Variants in KLF12 observed in about 807,000 individuals in gnomAD.
KLF12 encodes Krueppel-like factor 12.
Under a neutral mutation model 37.8 loss-of-function variants are expected in KLF12, and 9 were observed. The ratio of observed to expected loss-of-function variants is 0.24; its 90% CI spans 0.14 to 0.42. The LOEUF (loss-of-function observed/expected upper bound fraction) is 0.42, where lower values mean the gene tolerates loss of function less well. Among genes scored for constraint, KLF12 ranks in the 10% least tolerant of loss-of-function variants. The probability of loss-of-function intolerance (pLI) is 1.00; values close to 1 mark genes in which losing one functional copy is unlikely to be tolerated. For missense variants in KLF12, 411 were observed against 516.0 expected (o/e 0.80, Z 1.97); for synonymous variants, 208 against 202.1 (o/e 1.03, Z -0.25).
chr13:73,996,166 C>T (rs1892113902), intron 1 of KLF12, among the ~76,000 whole-genome samples: 1 of 152,198 alleles, frequency 6.6e-6, no homozygotes, highest in Admixed American at 6.5e-5. Context: ...GTCTCTCTTG[C>T]TATAACAATG....
chr13:73,824,050 T>C (rs1031189105), intron 4 of KLF12, among the ~76,000 whole-genome samples: 1 of 152,014 alleles, frequency 6.6e-6, no homozygotes, highest in Non-Finnish European at 1.5e-5. Context: ...GCTTCAGGGA[T>C]GGACACATTT....
intron 5 of KLF12, among the ~76,000 whole-genome samples, chr13:73,798,224 A>C (rs2138323221): frequency 6.6e-6 from 1 of 152,326 alleles, no homozygotes; most frequent in East Asian, 1.9e-4. Flanking sequence ...CATATGTAGA[A>C]GAGTGAAGCT....
chr13:74,003,483 A>G (rs771460250), intron 1 of KLF12, among the ~76,000 whole-genome samples: 1 of 152,216 alleles, frequency 6.6e-6, no homozygotes, highest in Non-Finnish European at 1.5e-5. Flanking sequence ...TTTCAAGGAA[A>G]TAATAAAAGC....
At chr13:74,043,714 T>C (rs1369612634) in intron 1 of KLF12, among the ~76,000 whole-genome samples, 3 of 152,238 alleles carry the variant, frequency 2.0e-5, no homozygotes, top group African/African-American at 7.2e-5. Flanking sequence ...AAAGCATACA[T>C]TTCTCTACTC....
intron 2 of KLF12, among the ~76,000 whole-genome samples, chr13:73,978,167 T>G (rs1352774216): frequency 6.6e-6 from 1 of 151,942 alleles, no homozygotes; most frequent in Non-Finnish European, 1.5e-5. Flanking sequence ...AAAGACACTG[T>G]CAAGAGAATG....
the KLF12 span, among the ~76,000 whole-genome samples, chr13:74,238,828 T>C: frequency 6.6e-6 from 1 of 152,286 alleles, no homozygotes; most frequent in South Asian, 2.1e-4. Flanking sequence ...GATTCTTCTC[T>C]CTTTTTTTCT....
rs1404255060 is a variant in KLF12, at chr13:73,689,871, A to C, written c.*5619T>G. 6.6e-6 allele frequency: 1 copy of C among 152,230 alleles called. No homozygotes were observed. The highest frequency in any genetic ancestry group is 1.5e-5 in the Non-Finnish European group (1 of 68,026). 9.4% of individuals were successfully genotyped at this position (152,230 alleles called of 1,614,324 possible). A position where few individuals can be genotyped will look rare whatever the true frequency, so the allele number is the denominator to read the frequency against. On this transcript the variant is annotated 3_prime_UTR_variant, in exon 8 of 8. Transcript: ENST00000377669. ...TTAACTGAGCAAAACTTTTTGAATC[A>C]TACATACTGTTTCATAAGTTTGGGG...
the KLF12 span, among the ~76,000 whole-genome samples, chr13:74,287,349 TGAGAGAGAGAGAGAGAGA>T: frequency 2.8e-5 from 2 of 71,866 alleles, no homozygotes; most frequent in Non-Finnish European, 5.0e-5. Flanking sequence ...CTATCAAAGT[TGAGAGAGAGAGAGAGAGA>T]GAGAGAGAGA....
At chr13:74,063,413 G>A (rs887856326) in intron 1 of KLF12, among the ~76,000 whole-genome samples, 1 of 127,156 alleles carries the variant, frequency 7.9e-6, no homozygotes, top group Non-Finnish European at 1.9e-5. Flanking sequence ...AACCTTCAAG[G>A]ACATCAAAAC....
intron 2 of KLF12, among the ~76,000 whole-genome samples, chr13:73,991,172 C>T (rs968684171): frequency 1.3e-5 from 2 of 152,140 alleles, no homozygotes; most frequent in African/African-American, 2.4e-5. Context: ...TTAATAAATA[C>T]TATGATACAC....
chr13:74,006,488 A>G (rs1566501434), intron 1 of KLF12, among the ~76,000 whole-genome samples: 1 of 152,182 alleles, frequency 6.6e-6, no homozygotes, highest in African/African-American at 2.4e-5. Context: ...TTGTCCACAT[A>G]TATGTATCAG....
chr13:74,072,487 C>A (rs1285785894), intron 1 of KLF12, among the ~76,000 whole-genome samples: 3 of 149,566 alleles, frequency 2.0e-5, no homozygotes, highest in Non-Finnish European at 4.4e-5. Context: ...CCTATAATCC[C>A]AGTACTTTGG....
the KLF12 span, among the ~76,000 whole-genome samples, chr13:74,223,103 T>C: frequency 5.9e-5 from 9 of 152,220 alleles, no homozygotes; most frequent in Admixed American, 5.9e-4. Context: ...GGATCCTTTT[T>C]GTGGCGCTTT....
chr13:74,134,158 TTGGGGTGGGG>T (rs886342588), upstream of KLF12, among the ~76,000 whole-genome samples: 1 of 93,090 alleles, frequency 1.1e-5, no homozygotes, highest in African/African-American at 3.8e-5. Flanking sequence ...GGAGAGGCGC[TTGGGGTGGGG>T]TGGGGTGGGG....
At chr13:74,302,106 A>G in the KLF12 span, among the ~76,000 whole-genome samples, 2 of 152,102 alleles carry the variant, frequency 1.3e-5, no homozygotes, top group South Asian at 4.1e-4. Context: ...CCTGGGTAGC[A>G]CTGGGGCCAT....
chr13:74,042,579 G>T (rs927171658), intron 1 of KLF12, among the ~76,000 whole-genome samples: 2 of 152,156 alleles, frequency 1.3e-5, no homozygotes, highest in Non-Finnish European at 2.9e-5. Context: ...AATCACTGGA[G>T]TTAGGACCAT....
the KLF12 span, among the ~76,000 whole-genome samples, chr13:74,161,223 C>T: frequency 6.6e-6 from 1 of 152,008 alleles, no homozygotes; most frequent in East Asian, 1.9e-4. Context: ...ACTGTTATCA[C>T]CTGTAATGGG....
At chr13:74,044,857 T>C (rs1019411655) in intron 1 of KLF12, among the ~76,000 whole-genome samples, 14 of 130,506 alleles carry the variant, frequency 1.1e-4, no homozygotes, top group Non-Finnish European at 2.0e-4. Context: ...AAACAGAAAG[T>C]CTCAAAAAAA....
chr13:74,304,439 T>G, the KLF12 span, among the ~76,000 whole-genome samples: 1 of 152,152 alleles, frequency 6.6e-6, no homozygotes, highest in Non-Finnish European at 1.5e-5. Context: ...TGGAGTTTTA[T>G]CTCTTAAATC....
Sources: allele counts gnomAD v4.1 joint callset (sites outside exome capture counted in the v4.1 genomes callset), GRCh38; gene constraint gnomAD v4.1.1; transcripts MANE v1.5; gene names NCBI Gene and HGNC (gene_info 2026-07-23, HGNC 2026-07-21).